Variants in CPNE8 observed in about 807,000 individuals in gnomAD.
CPNE8 encodes copine 8.
In CPNE8, 45 loss-of-function variants were observed where a neutral mutation model predicts 81.5. That is an observed-to-expected ratio of 0.55 (90% CI 0.44 to 0.71). The LOEUF is 0.71. CPNE8 is among the 30% of genes least tolerant of loss of function. The pLI is 0.00. For missense variants in CPNE8, 594 were observed against 672.1 expected, an observed-to-expected ratio of 0.88 and a Z score of 1.28; for synonymous variants, 252 against 226.3, an observed-to-expected ratio of 1.11 and a Z score of -1.02.
chr12:38,765,848 T>G (rs1325860518), intron 8 of CPNE8, among the ~76,000 whole-genome samples: 2 of 152,018 alleles, frequency 1.3e-5, no homozygotes, highest in Admixed American at 1.3e-4. Context: ...ATTTAATGAG[T>G]GAACATCTTT....
intron 10 of CPNE8, among the ~76,000 whole-genome samples, chr12:38,731,504 CTTAT>C (rs1565588271): frequency 1.3e-5 from 2 of 151,780 alleles, no homozygotes; most frequent in African/African-American, 4.8e-5. Context: ...TTTTAAAGAA[CTTAT>C]TTGAGAAAAA....
At chr12:38,690,212 T>C (rs896844834) in intron 15 of CPNE8, among the ~76,000 whole-genome samples, 11 of 152,206 alleles carry the variant, frequency 7.2e-5, no homozygotes, top group Non-Finnish European at 1.5e-4. Flanking sequence ...CATCAGGTAG[T>C]TCATGAAAGA....
At chr12:38,817,581 T>A (rs1422753567) in intron 6 of CPNE8, among the ~76,000 whole-genome samples, 2 of 151,226 alleles carry the variant, frequency 1.3e-5, no homozygotes, top group South Asian at 2.1e-4. Context: ...ACCAAATTTT[T>A]AAATTTCGTT....
At chr12:38,906,776 G>A (rs1944578462), upstream of CPNE8, 1 of 199,338 alleles carries the variant, frequency 5.0e-6, no homozygotes, top group African/African-American at 2.4e-5. Context: ...GCGGGTCCCG[G>A]GAGCTCGCCA....
Position 38,693,915 on chromosome 12 carries a change from T to G in CPNE8, c.962-77A>C, listed in dbSNP as rs370424871. The G allele has an allele frequency of 1.3e-4, 152 of 1,203,978 alleles. 3 individuals carry two copies. In the South Asian group the frequency reaches 1.6e-3, roughly 13 times the overall value. The allele number at this position is 1,203,978 out of a possible 1,614,324, so 74.6% of individuals were successfully genotyped here. A position where few individuals can be genotyped will look rare whatever the true frequency, so the allele number is the denominator to read the frequency against. ...AACAAAATTTTTCTTGGTGTCTATT[T>G]CAGAATGAAATATTCAAAATTATGT... On this transcript the variant is annotated intron_variant, in intron 14 of 19. Transcript: ENST00000331366.
rs577293563 is a variant in CPNE8, at chr12:38,898,837, C to T, written c.98+6600G>A. On this transcript the variant is annotated intron_variant, in intron 1 of 19. Coordinates refer to ENST00000331366, the MANE Select transcript of CPNE8 (RefSeq NM_153634.3). Reference sequence around the variant, plus strand: ...CTCTCTTGGAATCTAACTTTGCTTTCGCAGATGGTCAGTTAATCACTAAGT... The same window carrying T: ...CTCTCTTGGAATCTAACTTTGCTTTTGCAGATGGTCAGTTAATCACTAAGT... Among the ~76,000 whole-genome samples, 25 of 152,234 alleles carry T rather than the reference C, an allele frequency of 1.6e-4. No homozygotes were observed. The South Asian group carries it at 2.7e-3, about 16-fold the overall frequency.
In CPNE8 at chr12:38,833,118, C is replaced by T. The variant is rs1592127006; in HGVS notation, c.331-3663G>A. Among the ~76,000 whole-genome samples, 5 of 151,836 alleles carry T rather than the reference C, an allele frequency of 3.3e-5. 1 individual carries two copies. The highest frequency in any genetic ancestry group is 2.0e-4 in the East Asian group (1 of 5,118). ...CTGTAATCCCAGCACTTTGGGAGGCCGAGGCGGGCGGATCACTTGAGGTCA... is the reference window on the plus strand; with the variant it reads ...CTGTAATCCCAGCACTTTGGGAGGCTGAGGCGGGCGGATCACTTGAGGTCA... On this transcript the variant is annotated intron_variant, in intron 5 of 19. Transcript: ENST00000331366.
At chr12:38,784,415 A>G (rs1942127501) in intron 6 of CPNE8, among the ~76,000 whole-genome samples, 1 of 152,208 alleles carries the variant, frequency 6.6e-6, no homozygotes, top group African/African-American at 2.4e-5. Context: ...CTGGCCTTTT[A>G]AAAAGGAGGC....
intron 1 of CPNE8, among the ~76,000 whole-genome samples, chr12:38,894,122 A>G (rs1348369896): frequency 2.0e-5 from 3 of 152,122 alleles, no homozygotes; most frequent in Admixed American, 1.3e-4. Flanking sequence ...AGATCCAGTG[A>G]AGTGGCATGA....
intron 11 of CPNE8, among the ~76,000 whole-genome samples, chr12:38,727,783 G>T (rs1940738106): frequency 6.6e-6 from 1 of 151,230 alleles, no homozygotes; most frequent in African/African-American, 2.4e-5. Flanking sequence ...TAAAAGCTCT[G>T]GCATATTGCT....
chr12:38,759,925 C>T (rs1402464415), intron 10 of CPNE8, among the ~76,000 whole-genome samples: 1 of 152,154 alleles, frequency 6.6e-6, no homozygotes, highest in African/African-American at 2.4e-5. Flanking sequence ...TGAACTTGTT[C>T]CTGTATTCAC....
intron 1 of CPNE8, among the ~76,000 whole-genome samples, chr12:38,899,409 C>A (rs1272267509): frequency 6.6e-6 from 1 of 152,140 alleles, no homozygotes; most frequent in Non-Finnish European, 1.5e-5. Context: ...CAGAACCTGA[C>A]TATGTTGGCA....
upstream of CPNE8, chr12:38,906,118 C>T (rs1259262000): frequency 3.0e-6 from 3 of 985,822 alleles, no homozygotes; most frequent in Admixed American, 6.1e-5. Context: ...TTATAAGGTC[C>T]CCCTCCCCAC....
chr12:38,819,563 C>G (rs1055065659), intron 6 of CPNE8, among the ~76,000 whole-genome samples: 3 of 151,756 alleles, frequency 2.0e-5, no homozygotes, highest in Non-Finnish European at 2.9e-5. Context: ...GTCAGGAGAT[C>G]GAGACCATCC....
intron 10 of CPNE8, among the ~76,000 whole-genome samples, chr12:38,733,964 C>A (rs1388822339): frequency 1.3e-5 from 2 of 151,960 alleles, no homozygotes; most frequent in African/African-American, 4.8e-5. Flanking sequence ...TATCACTTAT[C>A]TTTTACTCTA....
Position 38,760,873 on chromosome 12 carries a change from C to G in CPNE8, c.696G>C (p.Glu232Asp). The G allele has an allele frequency of 6.3e-7, 1 of 1,574,918 alleles. No homozygotes were observed. The highest frequency in any genetic ancestry group is 2.0e-5 in the Admixed American group (1 of 49,164). Reference protein sequence around the residue: ...NGDYDRTIKVEVYDWDRDGSH... With the variant: ...NGDYDRTIKVDVYDWDRDGSH... ...TTCCATCTCGGTCCCAGTCATACAC[C>G]TCTACTTTGATTGTTCTGTACATGA... Residue 232 changes from glutamate (E) to aspartate (D), a missense_variant, in exon 10 of 20, where the codon GAG becomes GAC. Coordinates refer to ENST00000331366, the MANE Select transcript of CPNE8 (RefSeq NM_153634.3).
At chr12:38,677,427 C>T in intron 17 of CPNE8, 25 bp downstream of exon 17, 1 of 1,268,476 alleles carries the variant, frequency 7.9e-7, no homozygotes, top group Non-Finnish European at 1.2e-6. Flanking sequence ...CGTAGCGAGC[C>T]CAATACGGAG....
chr12:38,693,251 C>G (rs1939719242), intron 15 of CPNE8, among the ~76,000 whole-genome samples: 1 of 152,120 alleles, frequency 6.6e-6, no homozygotes, highest in Admixed American at 6.5e-5. Flanking sequence ...CCAGGCATCT[C>G]TAGCCATTCA....
rs1939725033 is a variant in CPNE8 at position 38,693,530 on chromosome 12, C to G, written c.1143+127G>C. Reference sequence around the variant, plus strand: ...TAAGTTCACACTCCAAAGTCAATTACTTACCAAAATTAAGCTACAGTCAGT... The same window carrying G: ...TAAGTTCACACTCCAAAGTCAATTAGTTACCAAAATTAAGCTACAGTCAGT... On this transcript the variant is annotated intron_variant, in intron 15 of 19. Transcript: ENST00000331366. 7.8e-6 allele frequency: 6 copies of G among 766,504 alleles called. No individual in the cohort carries two copies. In the South Asian group the frequency reaches 1.3e-4, roughly 16 times the overall value. The allele number at this position is 766,504 out of a possible 1,614,324, so 47.5% of individuals were successfully genotyped here. A position where few individuals can be genotyped will look rare whatever the true frequency, so the allele number is the denominator to read the frequency against.
Sources: gnomAD v4.1 joint callset for allele counts (sites outside exome capture counted in the v4.1 genomes callset) on GRCh38, gnomAD v4.1.1 for gene constraint, MANE v1.5 for transcripts, NCBI Gene and HGNC (gene_info 2026-07-23, HGNC 2026-07-21) for gene names.